Variants in RBM33 observed in about 807,000 individuals in gnomAD.
RBM33 encodes RNA binding motif protein 33, also known as RNA-binding protein 33.
Under a neutral mutation model 132.6 loss-of-function variants are expected in RBM33, and 28 were observed. The observed-to-expected ratio is 0.21, with a 90% CI of 0.16 to 0.29. The LOEUF is 0.29. RBM33 is among the 10% of genes least tolerant of loss of function. The probability of loss-of-function intolerance (pLI) is 1.00; values close to 1 mark genes in which losing one functional copy is unlikely to be tolerated. For missense variants in RBM33, 1,291 were observed against 1,518.5 expected, an observed-to-expected ratio of 0.85 and a Z score of 2.49; for synonymous variants, 634 against 593.0, an observed-to-expected ratio of 1.07 and a Z score of -1.01.
intron 9 of RBM33, among the ~76,000 whole-genome samples, chr7:155,721,860 G>T (rs1800638185): frequency 6.6e-6 from 1 of 152,104 alleles, no homozygotes; most frequent in Admixed American, 6.5e-5. Flanking sequence ...ATTATTTGGA[G>T]AATTTAAGAA....
At chr7:155,667,826 T>C (rs1290521836) in intron 2 of RBM33, among the ~76,000 whole-genome samples, 1 of 152,150 alleles carries the variant, frequency 6.6e-6, no homozygotes, top group Non-Finnish European at 1.5e-5. Flanking sequence ...TGCCTGAAAT[T>C]GATTGAATTG....
intron 3 of RBM33, among the ~76,000 whole-genome samples, chr7:155,673,475 C>CAT (rs1799010614): frequency 1.4e-5 from 2 of 141,746 alleles, no homozygotes; most frequent in Non-Finnish European, 3.1e-5. Flanking sequence ...TATATACATA[C>CAT]ACGTGTGTAT....
chr7:155,646,649 C>T (rs1798204046), intron 1 of RBM33, among the ~76,000 whole-genome samples: 1 of 152,198 alleles, frequency 6.6e-6, no homozygotes, highest in South Asian at 2.1e-4. Flanking sequence ...GGAGGCTTTC[C>T]TTGAGAATTC....
chr7:155,721,245 C>T (rs1800616095), intron 9 of RBM33, among the ~76,000 whole-genome samples: 1 of 152,014 alleles, frequency 6.6e-6, no homozygotes, highest in Admixed American at 6.5e-5. Context: ...GCCAGAGTCC[C>T]GGTCATCCTG....
At chr7:155,646,228 T>C (rs1298889159) in intron 1 of RBM33, among the ~76,000 whole-genome samples, 1 of 152,212 alleles carries the variant, frequency 6.6e-6, no homozygotes, top group Non-Finnish European at 1.5e-5. Context: ...GTGAAGACGT[T>C]ATGCTGATGG....
At chr7:155,771,196 A>G (rs77283259) in intron 16 of RBM33, among the ~76,000 whole-genome samples, 2,393 of 152,234 alleles carry the variant, frequency 0.016, 67 homozygotes, top group African/African-American at 0.055. Flanking sequence ...ACTCTATGAT[A>G]GCGTGTTGCT....
intron 14 of RBM33, among the ~76,000 whole-genome samples, chr7:155,750,450 C>G (rs765151452): frequency 1.3e-5 from 2 of 152,200 alleles, no homozygotes; most frequent in African/African-American, 2.4e-5. Flanking sequence ...AGGGGAAATT[C>G]TTTGCCTTAG....
intron 5 of RBM33, among the ~76,000 whole-genome samples, chr7:155,693,514 A>C (rs949510992): frequency 6.6e-6 from 1 of 152,090 alleles, no homozygotes; most frequent in African/African-American, 2.4e-5. Context: ...TCATAATTTA[A>C]TTTTAAATTT....
chr7:155,657,852 A>G (rs1219703733), intron 1 of RBM33, among the ~76,000 whole-genome samples: 1 of 133,494 alleles, frequency 7.5e-6, no homozygotes, highest in Non-Finnish European at 1.7e-5. Flanking sequence ...ATGACTTTTG[A>G]TGTTTTAAAA....
At chr7:155,679,033 G>A (rs757498524) in intron 4 of RBM33, among the ~76,000 whole-genome samples, 2 of 152,254 alleles carry the variant, frequency 1.3e-5, no homozygotes, top group South Asian at 2.1e-4. Context: ...TTAGCCAGGC[G>A]TAGTGGCCCG....
intron 7 of RBM33, among the ~76,000 whole-genome samples, chr7:155,710,166 T>C (rs1368099927): frequency 6.6e-6 from 1 of 152,264 alleles, no homozygotes; most frequent in Non-Finnish European, 1.5e-5. Context: ...TGGCATCATC[T>C]CAGGGAAAAT....
chr7:155,645,021 G>A (rs1313685390), intron 1 of RBM33, 102 bp downstream of exon 1: 3 of 830,300 alleles, frequency 3.6e-6, no homozygotes, highest in African/African-American at 3.6e-5. Context: ...GGCTCTCCCC[G>A]GCTCCGACTC....
chr7:155,766,691 G>T (rs187422989), intron 16 of RBM33, 36 bp downstream of exon 16: 2 of 1,578,232 alleles, frequency 1.3e-6, no homozygotes, highest in Non-Finnish European at 1.7e-6. Context: ...GCCACGGGTA[G>T]TTGTGTCCCA....
chr7:155,680,006 G>C (rs1042328659), intron 4 of RBM33, among the ~76,000 whole-genome samples: 3 of 152,096 alleles, frequency 2.0e-5, no homozygotes, highest in Admixed American at 1.3e-4. Context: ...AAAGATATTT[G>C]TGACTAATAT....
At chr7:155,717,294 C>T (rs1185714950) in intron 8 of RBM33, among the ~76,000 whole-genome samples, 4 of 152,162 alleles carry the variant, frequency 2.6e-5, no homozygotes. Context: ...CAGCTTCCTT[C>T]TGAGGCCTCT....
At chr7:155,710,899 C>T (rs1330091190) in intron 7 of RBM33, among the ~76,000 whole-genome samples, 1 of 135,698 alleles carries the variant, frequency 7.4e-6, no homozygotes, top group Non-Finnish European at 1.6e-5. Flanking sequence ...GTTCAATTCC[C>T]TGAACTGAAT....
At chr7:155,668,332 T>TCATGTACAGG (rs1378603177) in intron 2 of RBM33, among the ~76,000 whole-genome samples, 1 of 152,210 alleles carries the variant, frequency 6.6e-6, no homozygotes, top group African/African-American at 2.4e-5. Context: ...CCCATCTTAT[T>TCATGTACAGG]TTAGTTCCAT....
intron 16 of RBM33, among the ~76,000 whole-genome samples, chr7:155,770,817 A>C (rs971510111): frequency 2.0e-5 from 3 of 152,176 alleles, no homozygotes; most frequent in Non-Finnish European, 2.9e-5. Flanking sequence ...TTTCATGGGG[A>C]AAAGAGGCGG....
chr7:155,717,258 A>C (rs1485717595), intron 8 of RBM33, among the ~76,000 whole-genome samples: 2 of 152,166 alleles, frequency 1.3e-5, no homozygotes, highest in Admixed American at 1.3e-4. Context: ...GGAGGCTGGA[A>C]GTCCAAGTTC....
Sources: allele counts gnomAD v4.1 joint callset (sites outside exome capture counted in the v4.1 genomes callset), GRCh38; gene constraint gnomAD v4.1.1; transcripts MANE v1.5; gene names NCBI Gene and HGNC (gene_info 2026-07-23, HGNC 2026-07-21).